The following MOCS1 variants were observed in gnomAD, a reference collection of about 807,000 sequenced individuals.
The protein encoded by MOCS1 is molybdenum cofactor synthesis 1, also known as molybdenum cofactor biosynthesis protein 1.
A neutral mutation model predicts 57.6 loss-of-function variants in MOCS1; 39 were observed. That is an observed-to-expected ratio of 0.68 (90% CI 0.52 to 0.88). MOCS1 has a LOEUF of 0.88. MOCS1 is among the 40% of genes least tolerant of loss of function. MOCS1 has a pLI of 0.00. For synonymous variants in MOCS1, 334 were observed against 335.7 expected, an observed-to-expected ratio of 1.00 and a Z score of 0.05; for missense variants, 795 against 831.1, an observed-to-expected ratio of 0.96 and a Z score of 0.53.
At chr6:39,930,235 A>AG (rs1011933854) in intron 1 of MOCS1, among the ~76,000 whole-genome samples, 1 of 152,126 alleles carries the variant, frequency 6.6e-6, no homozygotes, top group Non-Finnish European at 1.5e-5. Context: ...GAGGAAAAAA[A>AG]TATCAGCACC....
chr6:39,909,460 C>A (rs954196617), intron 9 of MOCS1, among the ~76,000 whole-genome samples: 1 of 152,034 alleles, frequency 6.6e-6, no homozygotes, highest in Non-Finnish European at 1.5e-5. Context: ...ATGTGCACTG[C>A]GAGGTCGCTC....
At chr6:39,925,880 A>C (rs2149419684) in intron 2 of MOCS1, 35 bp from the exon 3 acceptor site, 1 of 1,592,040 alleles carries the variant, frequency 6.3e-7, no homozygotes, top group East Asian at 2.2e-5. Flanking sequence ...TGGAGGGAGG[A>C]AAGAGGCACG....
chr6:39,933,447 T>C (rs890578929), intron 1 of MOCS1, among the ~76,000 whole-genome samples: 4 of 151,848 alleles, frequency 2.6e-5, no homozygotes, highest in Non-Finnish European at 4.4e-5. Context: ...TTGAGCAATA[T>C]AGGGGAGGAG....
intron 3 of MOCS1, among the ~76,000 whole-genome samples, chr6:39,920,187 A>T (rs1461997193): frequency 6.6e-6 from 1 of 152,246 alleles, no homozygotes; most frequent in African/African-American, 2.4e-5. Context: ...AGAGATGCCA[A>T]CTTCATTCTT....
chr6:39,927,548 C>T, intron 1 of MOCS1, 93 bp from the exon 2 acceptor site: 2 of 1,611,210 alleles, frequency 1.2e-6, no homozygotes, highest in South Asian at 1.1e-5. Context: ...CTTACTCTGA[C>T]ATCTGTGCGG....
rs73414855 is a variant in MOCS1 at position 39,907,198 on chromosome 6, C to T, written c.1151-81G>A. Reference sequence around the variant, plus strand: ...CCCACCTCTACTCCCCAACCCTCTCCCTATCCCACCTCAAGTTCTCTTTCA... The same window carrying T: ...CCCACCTCTACTCCCCAACCCTCTCTCTATCCCACCTCAAGTTCTCTTTCA... On this transcript the variant is annotated intron_variant, in intron 10 of 10. Coordinates refer to ENST00000340692, the MANE Select transcript of MOCS1 (RefSeq NM_001358530.2). The T allele has an allele frequency of 5.0e-3, 6,858 of 1,383,862 alleles. 248 individuals are homozygous for T. In the African/African-American group the frequency reaches 0.081, roughly 16 times the overall value. The allele number at this position is 1,383,862 out of a possible 1,614,324, so 85.7% of individuals were successfully genotyped here.
chr6:39,905,185 G>GTGTT lies in MOCS1; in HGVS notation c.*1168_*1171dup, dbSNP rs983614853. 16 of 454,294 alleles carry GTGTT rather than the reference G, an allele frequency of 3.5e-5. No individual in the cohort carries two copies. The highest frequency in any genetic ancestry group is 1.4e-4 in the East Asian group (2 of 14,390). 28.1% of individuals were successfully genotyped at this position (454,294 alleles called of 1,614,324 possible). The stretch of plus-strand genomic sequence containing the variant: ...AGAGCCCAGCAGGCCAGAACTGTGT[G>GTGTT]TGTTTGGGATGTGAGAACCAGGAGC... On this transcript the variant is annotated 3_prime_UTR_variant, in exon 11 of 11. Coordinates refer to ENST00000340692, the MANE Select transcript of MOCS1 (RefSeq NM_001358530.2).
rs762044874 is a variant in MOCS1 at position 39,912,387 on chromosome 6, G to T, written c.871-13C>A. The T allele has an allele frequency of 1.9e-6, 3 of 1,594,458 alleles. No individual in the cohort carries two copies. Among genetic ancestry groups the T allele is most frequent in the East Asian group, 2.2e-5 (1 of 44,764 alleles). ...GGATTTTAAAGGCCTGGGCAGGGGA[G>T]AGTGGGAGCAAAAGGGCAGTGGAGG... is the stretch of plus-strand genomic sequence containing the variant. On this transcript the variant is annotated splice_polypyrimidine_tract_variant and intron_variant, in intron 7 of 10. Coordinates refer to ENST00000340692, the MANE Select transcript of MOCS1 (RefSeq NM_001358530.2).
At chr6:39,926,134 C>G (rs1250480502) in intron 2 of MOCS1, among the ~76,000 whole-genome samples, 1 of 152,204 alleles carries the variant, frequency 6.6e-6, no homozygotes, top group Non-Finnish European at 1.5e-5. Flanking sequence ...ATGAAGTAGG[C>G]TGAGGGCAGA....
chr6:39,931,100 G>A (rs1768619127), intron 1 of MOCS1, among the ~76,000 whole-genome samples: 1 of 152,184 alleles, frequency 6.6e-6, no homozygotes. Flanking sequence ...CACCCAAGTG[G>A]GGTCTGAGCA....
intron 3 of MOCS1, among the ~76,000 whole-genome samples, chr6:39,920,318 G>A (rs548100512): frequency 3.3e-5 from 5 of 152,214 alleles, no homozygotes; most frequent in Admixed American, 1.3e-4. Context: ...TACATAGGGC[G>A]GGTGAAAGTG....
intron 1 of MOCS1, chr6:39,932,466 TGTCC>T (rs745675495): frequency 6.6e-6 from 1 of 152,244 alleles, no homozygotes; most frequent in Non-Finnish European, 1.5e-5. Context: ...TGGGACTCCC[TGTCC>T]AGTGTGGTCT....
intron 3 of MOCS1, among the ~76,000 whole-genome samples, chr6:39,923,944 C>T (rs559593474): frequency 2.6e-5 from 4 of 152,252 alleles, no homozygotes; most frequent in African/African-American, 4.8e-5. Flanking sequence ...GGCACTCCAG[C>T]GAACAATTAC....
At chr6:39,923,001 G>A (rs1768060765) in intron 3 of MOCS1, among the ~76,000 whole-genome samples, 1 of 152,218 alleles carries the variant, frequency 6.6e-6, no homozygotes, top group Admixed American at 6.5e-5. Flanking sequence ...GAAGATCAGA[G>A]GCTAGCCCCT....
chr6:39,927,483 T>G, intron 1 of MOCS1, 28 bp from the exon 2 acceptor site: 1 of 1,610,078 alleles, frequency 6.2e-7, no homozygotes, highest in Non-Finnish European at 8.5e-7. Flanking sequence ...GGAGGAAGCA[T>G]GGGCCCCTGC....
chr6:39,913,981 G>A, intron 4 of MOCS1, 146 bp from the exon 5 acceptor site: 8 of 810,212 alleles, frequency 9.9e-6, no homozygotes, highest in Non-Finnish European at 1.7e-5. Flanking sequence ...GGCTTTGCAA[G>A]CCAAGAGGCA....
intron 3 of MOCS1, among the ~76,000 whole-genome samples, chr6:39,923,356 G>A (rs1160579176): frequency 6.6e-6 from 1 of 152,244 alleles, no homozygotes; most frequent in Non-Finnish European, 1.5e-5. Flanking sequence ...GCCAGAGAGT[G>A]GCAGAATGGG....
At chr6:39,933,944 T>C (rs970440266) in intron 1 of MOCS1, among the ~76,000 whole-genome samples, 1 of 151,750 alleles carries the variant, frequency 6.6e-6, no homozygotes. Flanking sequence ...GGGAAAATGT[T>C]TAAGAAAGAG....
intron 9 of MOCS1, among the ~76,000 whole-genome samples, chr6:39,909,533 A>G (rs1767187173): frequency 6.6e-6 from 1 of 152,116 alleles, no homozygotes; most frequent in African/African-American, 2.4e-5. Flanking sequence ...ACAGAAGGCC[A>G]CGTGTGGGAT....
Sources: allele counts gnomAD v4.1 joint callset (sites outside exome capture counted in the v4.1 genomes callset), GRCh38; gene constraint gnomAD v4.1.1; transcripts MANE v1.5; gene names NCBI Gene and HGNC (gene_info 2026-07-23, HGNC 2026-07-21).